The following SLC5A12 variants were observed in gnomAD, a reference collection of about 807,000 sequenced individuals.
The protein encoded by SLC5A12 is solute carrier family 5 member 12.
In SLC5A12, 46 loss-of-function variants were observed where a neutral mutation model predicts 72.7. The ratio of observed to expected loss-of-function variants is 0.63; its 90% CI spans 0.50 to 0.81. The LOEUF (loss-of-function observed/expected upper bound fraction) is 0.81. Among genes scored for constraint, SLC5A12 ranks in the 30% least tolerant of loss-of-function variants. The pLI is 0.00. For synonymous variants in SLC5A12, 275 were observed against 264.4 expected, an observed-to-expected ratio of 1.04 and a Z score of -0.39; for missense variants, 683 against 740.7, an observed-to-expected ratio of 0.92 and a Z score of 0.90.
intron 9 of SLC5A12, among the ~76,000 whole-genome samples, chr11:26,687,446 T>A (rs933355548): frequency 1.3e-5 from 2 of 152,182 alleles, no homozygotes; most frequent in Admixed American, 1.3e-4. Context: ...GTTCCCAACA[T>A]GACTATTAAT....
chr11:26,706,781 T>A (rs1855099684), intron 4 of SLC5A12, among the ~76,000 whole-genome samples: 1 of 151,084 alleles, frequency 6.6e-6, no homozygotes. Context: ...AATTCTTTTT[T>A]CTAAATTTCA....
chr11:26,708,162 T>G (rs1281192754), intron 4 of SLC5A12, among the ~76,000 whole-genome samples: 1 of 152,082 alleles, frequency 6.6e-6, no homozygotes, highest in Non-Finnish European at 1.5e-5. Context: ...ACTTTGTTTT[T>G]GGGGGAGAAC....
Position 26,721,639 on chromosome 11 carries a change from C to A in SLC5A12, c.76G>T (p.Val26Leu), listed in dbSNP as rs745718619. The A allele has an allele frequency of 5.6e-5, 91 of 1,614,002 alleles. No homozygotes were observed. Among genetic ancestry groups the A allele is most frequent in the Non-Finnish European group, 7.4e-5 (87 of 1,180,030 alleles). Residue 26 changes from valine (V) to leucine (L), a missense_variant, in exon 1 of 15, where the codon GTG (valine) becomes TTG (leucine). By Grantham distance (32) the Val-to-Leu change is conservative. Coordinates refer to ENST00000396005, the MANE Select transcript of SLC5A12 (RefSeq NM_178498.4). ...TTTCTCTCCTTAATGGCAAAGAACA[C>A]CCCAATTCCAGAGGAAATGAAAAAG... ...ALFFISSGIG[V>L]FFAIKERKKA...
chr11:26,681,228 G>A lies in SLC5A12; in HGVS notation c.1309-7C>T, dbSNP rs1854405658. 6.4e-7 allele frequency: 1 copy of A among 1,563,184 alleles called. No individual in the cohort carries two copies. Among genetic ancestry groups the A allele is most frequent in the South Asian group, 1.2e-5 (1 of 83,556 alleles). ...GAAGACCTCCTAGTGCACCCTGGAT[G>A]AAGAAGAAAAAGGTTAATGGGAAAT... is the stretch of plus-strand genomic sequence containing the variant. On this transcript the variant is annotated splice_region_variant and splice_polypyrimidine_tract_variant and intron_variant, in intron 11 of 14. Transcript: ENST00000396005.
chr11:26,693,010 A>T (rs1854720446), intron 8 of SLC5A12, among the ~76,000 whole-genome samples: 1 of 152,192 alleles, frequency 6.6e-6, no homozygotes, highest in Non-Finnish European at 1.5e-5. Context: ...TTAATTATTC[A>T]TTCATTTATT....
chr11:26,718,809 T>G (rs568348090), intron 1 of SLC5A12, among the ~76,000 whole-genome samples: 185 of 152,256 alleles, frequency 1.2e-3, no homozygotes, highest in African/African-American at 3.6e-3. Context: ...ACTTTTAACT[T>G]GCATGCCATA....
Position 26,693,291 on chromosome 11 carries a change from G to A in SLC5A12, c.1041-690C>T, listed in dbSNP as rs118021315. Among the ~76,000 whole-genome samples the A allele has an allele frequency of 7.3e-3, 1,118 of 152,226 alleles. 7 individuals are homozygous for A. The highest frequency in any genetic ancestry group is 0.01 in the Middle Eastern group (3 of 294). The stretch of plus-strand genomic sequence containing the variant: ...TGTTGTAGGATGAAGGAAAAATTAC[G>A]TATAGATGTCTCAACATAAAAAGGA... On this transcript the variant is annotated intron_variant, in intron 8 of 14. Coordinates refer to ENST00000396005, the MANE Select transcript of SLC5A12 (RefSeq NM_178498.4).
intron 2 of SLC5A12, 88 bp downstream of exon 2, chr11:26,712,552 CT>C: frequency 1.1e-6 from 1 of 886,592 alleles, no homozygotes; most frequent in South Asian, 2.6e-5. Flanking sequence ...ATTAAGTGTC[CT>C]TTAGCTGAGT....
Position 26,721,906 on chromosome 11 carries a change from G to T in SLC5A12, c.-192C>A, listed in dbSNP as rs1371179456. On this transcript the variant is annotated 5_prime_UTR_variant, in exon 1 of 15. Transcript: ENST00000396005. ...GTACTTAGTGAAGATCTCAAAAGTT[G>T]ACTTCAAAGAAGAATCTGGTGGTGG... The T allele has an allele frequency of 1.7e-6, 1 of 577,940 alleles. No individual in the cohort carries two copies. The highest frequency in any genetic ancestry group is 3.0e-6 in the Non-Finnish European group (1 of 329,168). 35.8% of individuals were successfully genotyped at this position (577,940 alleles called of 1,614,324 possible).
At chr11:26,671,696 G>A (rs1461918520) in intron 14 of SLC5A12, among the ~76,000 whole-genome samples, 1 of 152,070 alleles carries the variant, frequency 6.6e-6, no homozygotes, top group Non-Finnish European at 1.5e-5. Context: ...TGGCAAAGGA[G>A]CCCAGTAGTG....
chr11:26,695,396 C>T (rs1271279487), intron 8 of SLC5A12, among the ~76,000 whole-genome samples: 1 of 152,032 alleles, frequency 6.6e-6, no homozygotes, highest in African/African-American at 2.4e-5. Flanking sequence ...AGGAACTTCA[C>T]TTAATTTCTT....
At position 26,677,126 on chromosome 11, in the gene SLC5A12, C is replaced by A. The variant is rs902301208; in HGVS notation, c.1579+1586G>T. Among the ~76,000 whole-genome samples the A allele has an allele frequency of 5.5e-4, 83 of 151,560 alleles. 1 individual carries two copies. The highest frequency in any genetic ancestry group is 2.6e-4 in the Non-Finnish European group (18 of 68,026). Reference sequence around the variant, plus strand: ...TAAGGCCTCATTTGGAAGACAGGGACCAGGAGGCAAGAACATCTGGTGGTC... The same window carrying A: ...TAAGGCCTCATTTGGAAGACAGGGAACAGGAGGCAAGAACATCTGGTGGTC... On this transcript the variant is annotated intron_variant, in intron 13 of 14. Coordinates refer to ENST00000396005, the MANE Select transcript of SLC5A12 (RefSeq NM_178498.4).
intron 1 of SLC5A12, among the ~76,000 whole-genome samples, chr11:26,714,715 T>C (rs535745621): frequency 2.6e-5 from 4 of 152,134 alleles, no homozygotes; most frequent in Non-Finnish European, 5.9e-5. Flanking sequence ...ATTTATCCTT[T>C]CCCTAGAAAC....
intron 3 of SLC5A12, 56 bp from the exon 4 acceptor site, chr11:26,709,435 A>T: frequency 7.7e-7 from 1 of 1,301,704 alleles, no homozygotes; most frequent in South Asian, 1.3e-5. Flanking sequence ...TTAAAAGAGC[A>T]AGTTTTATGA....
chr11:26,683,619 T>C, intron 11 of SLC5A12, 138 bp downstream of exon 11: 2 of 627,450 alleles, frequency 3.2e-6, no homozygotes, highest in East Asian at 3.0e-5. Flanking sequence ...ACAGGTAGAC[T>C]CAAGCTCTGT....
chr11:26,722,920 C>T (rs1271984720), upstream of SLC5A12, among the ~76,000 whole-genome samples: 3 of 150,778 alleles, frequency 2.0e-5, no homozygotes, highest in South Asian at 2.1e-4. Context: ...TGCCTCTCCA[C>T]GTCAACTCCT....
chr11:26,722,439 G>A (rs1855500555), upstream of SLC5A12, among the ~76,000 whole-genome samples: 1 of 152,110 alleles, frequency 6.6e-6, no homozygotes, highest in South Asian at 2.1e-4. Context: ...AAAGACTTAA[G>A]TCTTAAACTT....
At chr11:26,671,838 C>T (rs7102014) in intron 14 of SLC5A12, among the ~76,000 whole-genome samples, 43,084 of 152,008 alleles carry the variant, frequency 0.28, 6,303 homozygotes, top group East Asian at 0.46. Context: ...TAACTTGATC[C>T]GTTGCTTCTA....
chr11:26,704,498 C>T (rs551545910), intron 4 of SLC5A12, among the ~76,000 whole-genome samples: 2 of 152,212 alleles, frequency 1.3e-5, no homozygotes, highest in East Asian at 1.9e-4. Context: ...TTGATAAGGA[C>T]ACTTAAATGT....
Sources: gnomAD v4.1 joint callset for allele counts (sites outside exome capture counted in the v4.1 genomes callset) on GRCh38, gnomAD v4.1.1 for gene constraint, MANE v1.5 for transcripts, NCBI Gene and HGNC (gene_info 2026-07-23, HGNC 2026-07-21) for gene names.